The following GLI2 variants were observed in gnomAD, a reference collection of about 807,000 sequenced individuals.
The protein encoded by GLI2 is transcription activator GLI2.
A neutral mutation model predicts 78.9 loss-of-function variants in GLI2; 22 were observed. The observed-to-expected ratio is 0.28, with a 90% CI of 0.20 to 0.40. The LOEUF (loss-of-function observed/expected upper bound fraction) is 0.40. Among genes scored for constraint, GLI2 ranks in the 10% least tolerant of loss-of-function variants. The probability of loss-of-function intolerance (pLI) is 1.00; values close to 1 mark genes in which losing one functional copy is unlikely to be tolerated. For synonymous variants in GLI2, 974 were observed against 963.7 expected (o/e 1.01, Z -0.20); for missense variants, 2,097 against 2,213.2 (o/e 0.95, Z 1.05).
chr2:120,955,248 C>G lies in GLI2; in HGVS notation c.461C>G (p.Ala154Gly). Residue 154 changes from alanine (A) to glycine (G), a missense_variant, in exon 5 of 14, where the codon GCC (alanine) becomes GGC (glycine). By Grantham distance (60) the Ala-to-Gly change is moderately conservative. Coordinates refer to ENST00000361492, the MANE Select transcript of GLI2 (RefSeq NM_001374353.1). The stretch of plus-strand genomic sequence containing the variant: ...TTTCTCTCCCCTCTGCCCACAGTGG[C>G]CCAGGAGCACCTTAAGGAGAGGGGA... ...AARGLSPADV[A>G]QEHLKERGLF... The G allele has an allele frequency of 6.2e-7, 1 of 1,604,216 alleles. No individual in the cohort carries two copies. The highest frequency in any genetic ancestry group is 8.5e-7 in the Non-Finnish European group (1 of 1,172,024).
chr2:120,910,038 C>T (rs1035802314), intron 2 of GLI2, among the ~76,000 whole-genome samples: 3 of 152,014 alleles, frequency 2.0e-5, no homozygotes, highest in Non-Finnish European at 2.9e-5. Flanking sequence ...AGTGAGCCTC[C>T]GTCCAGCCAT....
chr2:120,983,962 T>TGTGC (rs1279288488), intron 11 of GLI2, among the ~76,000 whole-genome samples: 42 of 151,542 alleles, frequency 2.8e-4, no homozygotes, highest in African/African-American at 1.0e-3. Flanking sequence ...TGTGTGTGTG[T>TGTGC]GTGTGTGTGT....
intron 2 of GLI2, among the ~76,000 whole-genome samples, chr2:120,894,749 A>G (rs1677861802): frequency 6.9e-6 from 1 of 145,892 alleles, no homozygotes; most frequent in African/African-American, 2.5e-5. Context: ...CCCAGGCTGG[A>G]GCGCAGTGGC....
At chr2:120,871,207 C>T (rs1346489393) in intron 2 of GLI2, among the ~76,000 whole-genome samples, 2 of 152,254 alleles carry the variant, frequency 1.3e-5, no homozygotes, top group Non-Finnish European at 2.9e-5. Flanking sequence ...TTGGCCTGTG[C>T]TCCCAGAGCC....
Position 120,890,551 on chromosome 2 carries a change from A to G in GLI2, c.149-36810A>G, listed in dbSNP as rs970275282. Among the ~76,000 whole-genome samples the G allele has an allele frequency of 4.6e-5, 7 of 152,326 alleles. No homozygotes were observed. In the South Asian group the frequency reaches 1.0e-3, roughly 23 times the overall value. ...AATTAGAACAAGGCAGATGCATTGT[A>G]TCACTATCAGTATCTTGATTCTGAT... On this transcript the variant is annotated intron_variant, in intron 2 of 13. Coordinates refer to ENST00000361492, the MANE Select transcript of GLI2 (RefSeq NM_001374353.1).
intron 2 of GLI2, among the ~76,000 whole-genome samples, chr2:120,820,426 T>G (rs1040756452): frequency 6.6e-6 from 1 of 152,166 alleles, no homozygotes; most frequent in African/African-American, 2.4e-5. Context: ...TGAGCATTAG[T>G]TCCCCCCTCT....
chr2:120,938,270 C>T (rs949352499), intron 3 of GLI2, among the ~76,000 whole-genome samples: 2 of 152,208 alleles, frequency 1.3e-5, no homozygotes, highest in African/African-American at 4.8e-5. Flanking sequence ...CTCACTCCTC[C>T]CCTCCCTACC....
chr2:120,843,306 A>G (rs1686967921), intron 2 of GLI2, among the ~76,000 whole-genome samples: 1 of 152,188 alleles, frequency 6.6e-6, no homozygotes, highest in African/African-American at 2.4e-5. Flanking sequence ...CCAAGATCCC[A>G]TAGGCAGGAT....
intron 1 of GLI2, among the ~76,000 whole-genome samples, chr2:120,770,790 T>G (rs925284999): frequency 1.3e-5 from 2 of 152,070 alleles, no homozygotes; most frequent in Non-Finnish European, 2.9e-5. Flanking sequence ...TGTTGGGTGT[T>G]CTCAAACTAT....
intron 2 of GLI2, among the ~76,000 whole-genome samples, chr2:120,843,730 G>A (rs62150740): frequency 0.077 from 11,741 of 152,054 alleles, 604 homozygotes; most frequent in South Asian, 0.19. Flanking sequence ...GCAATGGCAC[G>A]ATCTCGACTC....
At chr2:120,942,883 TTCATTCAC>T (rs1163183668) in intron 3 of GLI2, among the ~76,000 whole-genome samples, 2,125 of 110,586 alleles carry the variant, frequency 0.019, 66 homozygotes, top group African/African-American at 0.056. Context: ...CATTCATTCA[TTCATTCAC>T]TCATTCGTTC....
At chr2:120,903,940 G>A (rs916573426) in intron 2 of GLI2, among the ~76,000 whole-genome samples, 1 of 152,154 alleles carries the variant, frequency 6.6e-6, no homozygotes, top group Non-Finnish European at 1.5e-5. Context: ...GTTCATTGCT[G>A]CAGGTGGGCT....
chr2:120,738,914 G>T (rs970169664), intron 1 of GLI2, among the ~76,000 whole-genome samples: 1 of 152,184 alleles, frequency 6.6e-6, no homozygotes, highest in Non-Finnish European at 1.5e-5. Context: ...CGAGGCCCTT[G>T]TGGCCAGGCA....
At chr2:120,832,652 T>C (rs1558822465) in intron 2 of GLI2, among the ~76,000 whole-genome samples, 1 of 152,274 alleles carries the variant, frequency 6.6e-6, no homozygotes, top group Middle Eastern at 3.4e-3. Context: ...TGTGACTCTT[T>C]TGGAGTGTGT....
chr2:120,928,353 A>G (rs1385561097), intron 3 of GLI2, among the ~76,000 whole-genome samples: 2 of 151,988 alleles, frequency 1.3e-5, no homozygotes, highest in East Asian at 1.9e-4. Flanking sequence ...TCTCCCCCCA[A>G]CAGGCCACCT....
chr2:120,854,235 A>G (rs557080177), intron 2 of GLI2, among the ~76,000 whole-genome samples: 5 of 152,130 alleles, frequency 3.3e-5, no homozygotes, highest in Non-Finnish European at 5.9e-5. Flanking sequence ...TCAGAAGAGG[A>G]GCAGAAGTTT....
chr2:120,876,991 C>T (rs907411620), intron 2 of GLI2, among the ~76,000 whole-genome samples: 5 of 152,222 alleles, frequency 3.3e-5, no homozygotes, highest in Admixed American at 3.3e-4. Context: ...GTCCACTGCT[C>T]ACTCAGTAGG....
chr2:120,740,821 C>A (rs554348735), intron 1 of GLI2, among the ~76,000 whole-genome samples: 30 of 152,362 alleles, frequency 2.0e-4, no homozygotes, highest in African/African-American at 7.2e-4. Flanking sequence ...GATTGATTCC[C>A]TCTTTGGGCA....
chr2:120,940,766 A>T (rs1034853225), intron 3 of GLI2, among the ~76,000 whole-genome samples: 10 of 152,234 alleles, frequency 6.6e-5, no homozygotes, highest in Non-Finnish European at 1.2e-4. Context: ...CCATGGCTTC[A>T]TGGGCACTCA....
Sources: gnomAD v4.1 joint callset for allele counts (sites outside exome capture counted in the v4.1 genomes callset) on GRCh38, gnomAD v4.1.1 for gene constraint, MANE v1.5 for transcripts, NCBI Gene and HGNC (gene_info 2026-07-23, HGNC 2026-07-21) for gene names.